Variants in GRM1 observed in about 807,000 individuals in gnomAD.
GRM1 encodes metabotropic glutamate receptor 1.
GRM1 carries 33 observed loss-of-function variants against 90.9 expected under a neutral mutation model. That is an observed-to-expected ratio of 0.36 (90% CI 0.28 to 0.49). The LOEUF is 0.49. Among genes scored for constraint, GRM1 ranks in the 20% least tolerant of loss-of-function variants. GRM1 has a pLI of 0.99. For synonymous variants in GRM1, 700 were observed against 613.2 expected (o/e 1.14, Z -2.09); for missense variants, 1,190 against 1,534.3 (o/e 0.78, Z 3.75).
chr6:146,366,897 T>C (rs975524087), intron 5 of GRM1, among the ~76,000 whole-genome samples: 1 of 152,176 alleles, frequency 6.6e-6, no homozygotes, highest in Non-Finnish European at 1.5e-5. Flanking sequence ...AGGAGCTTTT[T>C]AGCTTGATAT....
intron 2 of GRM1, among the ~76,000 whole-genome samples, chr6:146,236,642 T>A (rs1055154080): frequency 6.6e-6 from 1 of 151,830 alleles, no homozygotes; most frequent in African/African-American, 2.4e-5. Flanking sequence ...TCCACAAGGG[T>A]GAGGGAATTT....
At chr6:146,191,388 G>A (rs1489149373) in intron 2 of GRM1, among the ~76,000 whole-genome samples, 1 of 152,174 alleles carries the variant, frequency 6.6e-6, no homozygotes, top group Non-Finnish European at 1.5e-5. Context: ...TAGTGAGTGA[G>A]GTGGTTTACT....
intron 1 of GRM1, among the ~76,000 whole-genome samples, chr6:146,150,511 G>A (rs1777283656): frequency 6.6e-6 from 1 of 152,048 alleles, no homozygotes; most frequent in African/African-American, 2.4e-5. Flanking sequence ...GCTCAAATCT[G>A]GGTACTTGGG....
chr6:146,114,534 T>C (rs1020003048), intron 1 of GRM1, among the ~76,000 whole-genome samples: 1 of 152,130 alleles, frequency 6.6e-6, no homozygotes, highest in Non-Finnish European at 1.5e-5. Context: ...GTAGAATGAT[T>C]ATGAAAATTA....
chr6:146,123,971 T>C (rs1405798965), intron 1 of GRM1, among the ~76,000 whole-genome samples: 1 of 152,226 alleles, frequency 6.6e-6, no homozygotes, highest in African/African-American at 2.4e-5. Flanking sequence ...GTTTTAGTAA[T>C]AAAACTTGAT....
At chr6:146,270,918 TTCCTTCCTTC>T (rs1562571315) in intron 2 of GRM1, among the ~76,000 whole-genome samples, 5 of 108,652 alleles carry the variant, frequency 4.6e-5, no homozygotes, top group Non-Finnish European at 5.5e-5. Flanking sequence ...TCTTTCTTCC[TTCCTTCCTTC>T]CTTCCTTCCT....
intron 2 of GRM1, among the ~76,000 whole-genome samples, chr6:146,217,106 C>A (rs1451199212): frequency 1.3e-5 from 2 of 152,096 alleles, no homozygotes; most frequent in Admixed American, 1.3e-4. Flanking sequence ...TTTGAGAAGA[C>A]AAGCATATAT....
At chr6:146,128,096 G>A (rs1028202081) in intron 1 of GRM1, among the ~76,000 whole-genome samples, 7 of 152,088 alleles carry the variant, frequency 4.6e-5, no homozygotes, top group Non-Finnish European at 7.4e-5. Flanking sequence ...TACTTTCCAA[G>A]GGCAAGTATC....
intron 4 of GRM1, among the ~76,000 whole-genome samples, chr6:146,354,235 G>T (rs531645209): frequency 1.3e-5 from 2 of 152,186 alleles, no homozygotes; most frequent in Non-Finnish European, 2.9e-5. Context: ...CATGTGAAAA[G>T]CTTCGAGGAA....
At chr6:146,250,165 A>G (rs1358140521) in intron 2 of GRM1, among the ~76,000 whole-genome samples, 1 of 152,102 alleles carries the variant, frequency 6.6e-6, no homozygotes, top group Admixed American at 6.5e-5. Context: ...TTGGACTTGA[A>G]TTTTTGAGTT....
At chr6:146,082,585 CA>C (rs1256697348) in intron 1 of GRM1, among the ~76,000 whole-genome samples, 5 of 152,170 alleles carry the variant, frequency 3.3e-5, no homozygotes, top group African/African-American at 1.2e-4. Context: ...CATATCCAAT[CA>C]ATCACCAAGT....
At chr6:146,322,373 C>T (rs771321329) in intron 3 of GRM1, among the ~76,000 whole-genome samples, 29 of 152,170 alleles carry the variant, frequency 1.9e-4, no homozygotes, top group East Asian at 7.8e-4. Flanking sequence ...CATGGGGGTC[C>T]GGGACCCACT....
intron 2 of GRM1, among the ~76,000 whole-genome samples, chr6:146,217,211 C>A (rs1416189216): frequency 6.6e-6 from 1 of 152,164 alleles, no homozygotes; most frequent in Admixed American, 6.5e-5. Context: ...ATGAAAATTT[C>A]TCATCCATTA....
At chr6:146,240,638 T>C (rs1780821535) in intron 2 of GRM1, among the ~76,000 whole-genome samples, 1 of 151,930 alleles carries the variant, frequency 6.6e-6, no homozygotes, top group East Asian at 1.9e-4. Flanking sequence ...ATTCTAAGGG[T>C]CAATCTTTGG....
At chr6:146,251,567 G>C (rs1221856871) in intron 2 of GRM1, among the ~76,000 whole-genome samples, 1 of 152,170 alleles carries the variant, frequency 6.6e-6, no homozygotes, top group Non-Finnish European at 1.5e-5. Flanking sequence ...AACTACCTTA[G>C]GCCAAAAGCA....
intron 2 of GRM1, among the ~76,000 whole-genome samples, chr6:146,266,696 T>C (rs1313358972): frequency 1.3e-5 from 2 of 152,242 alleles, no homozygotes; most frequent in African/African-American, 2.4e-5. Context: ...ACTTTGTAAC[T>C]AGCCTTACAG....
intron 2 of GRM1, among the ~76,000 whole-genome samples, chr6:146,170,934 T>G (rs1258035738): frequency 6.6e-6 from 1 of 152,184 alleles, no homozygotes; most frequent in Non-Finnish European, 1.5e-5. Context: ...GGCTTGATTT[T>G]GTTATTGTTT....
chr6:146,202,354 A>AT (rs1562526286), intron 2 of GRM1, among the ~76,000 whole-genome samples: 1 of 152,122 alleles, frequency 6.6e-6, no homozygotes, highest in Non-Finnish European at 1.5e-5. Flanking sequence ...TTCAGCAGGT[A>AT]TTTTTACATC....
In GRM1 at chr6:146,043,842, C is replaced by T. The variant is rs117219534; in HGVS notation, c.700+13625C>T. ...AAGTGACCTCCTCGTAGGTGTATAT[C>T]TCAACCAGAATTTCTGTATGCTATG... is the stretch of plus-strand genomic sequence containing the variant. On this transcript the variant is annotated intron_variant, in intron 1 of 7. Coordinates refer to ENST00000282753, the MANE Select transcript of GRM1 (RefSeq NM_001278064.2). 3.9e-3 allele frequency among the ~76,000 whole-genome samples: 557 copies of T among 141,734 alleles called. 19 individuals carry two copies. The East Asian group carries it at 0.073, about 19-fold the overall frequency. The allele number at this position is 141,734 out of a possible 152,430, so 93.0% of individuals were successfully genotyped here.
Sources: allele counts gnomAD v4.1 joint callset (sites outside exome capture counted in the v4.1 genomes callset), GRCh38; gene constraint gnomAD v4.1.1; transcripts MANE v1.5; gene names NCBI Gene and HGNC (gene_info 2026-07-23, HGNC 2026-07-21).